OPCML: variants seen among roughly 807,000 people sequenced by gnomAD.
The protein encoded by OPCML is opioid binding protein/cell adhesion molecule like, also known as opioid-binding protein/cell adhesion molecule.
A neutral mutation model predicts 37.8 loss-of-function variants in OPCML; 13 were observed. That is an observed-to-expected ratio of 0.34 (90% CI 0.22 to 0.55). The LOEUF (loss-of-function observed/expected upper bound fraction) is 0.55. Ranked by LOEUF, OPCML falls within the 20% of genes least tolerant of loss-of-function variation. The probability of loss-of-function intolerance (pLI) is 0.91; values close to 1 mark genes in which losing one functional copy is unlikely to be tolerated. For synonymous variants in OPCML, 176 were observed against 168.8 expected, an observed-to-expected ratio of 1.04 and a Z score of -0.33; for missense variants, 341 against 435.6, an observed-to-expected ratio of 0.78 and a Z score of 1.93.
At chr11:133,470,128 C>G (rs2137004040) in intron 1 of OPCML, among the ~76,000 whole-genome samples, 1 of 152,282 alleles carries the variant, frequency 6.6e-6, no homozygotes, top group Admixed American at 6.5e-5. Flanking sequence ...CAAGGGGAAA[C>G]CATCATCAGG....
chr11:132,965,815 G>A (rs988370603), intron 1 of OPCML, among the ~76,000 whole-genome samples: 1 of 152,180 alleles, frequency 6.6e-6, no homozygotes, highest in South Asian at 2.1e-4. Context: ...ACAGGCATGA[G>A]CCATTGAGCC....
chr11:132,895,103 G>A lies in OPCML; in HGVS notation c.146+47823C>T, dbSNP rs1943787281. Among the ~76,000 whole-genome samples, 3 of 152,114 alleles carry A rather than the reference G, an allele frequency of 2.0e-5. No individual in the cohort carries two copies. In the South Asian group the frequency reaches 6.2e-4, roughly 32 times the overall value. On this transcript the variant is annotated intron_variant, in intron 2 of 7. Transcript: ENST00000524381. The stretch of plus-strand genomic sequence containing the variant: ...TTTCTAGAATTGGCTATCTAATCTG[G>A]TTAAATCTAAAAATGCCAAAGACTC...
chr11:133,455,034 CAAT>C (rs1565642798), intron 1 of OPCML, among the ~76,000 whole-genome samples: 1 of 152,064 alleles, frequency 6.6e-6, no homozygotes, highest in African/African-American at 2.4e-5. Flanking sequence ...CACTAACTAA[CAAT>C]ATGTTTTTCT....
chr11:133,145,838 G>A (rs1283173472), intron 1 of OPCML, among the ~76,000 whole-genome samples: 6 of 152,078 alleles, frequency 3.9e-5, no homozygotes, highest in Non-Finnish European at 5.9e-5. Context: ...ACAACAGAGA[G>A]GAAGGAGCAA....
At chr11:132,764,674 T>C (rs190708439) in intron 2 of OPCML, among the ~76,000 whole-genome samples, 5 of 152,290 alleles carry the variant, frequency 3.3e-5, no homozygotes, top group Admixed American at 3.3e-4. Flanking sequence ...TGTGTTTCCA[T>C]GGAGGACCTC....
At chr11:132,894,934 G>A (rs894406804) in intron 2 of OPCML, among the ~76,000 whole-genome samples, 1 of 152,142 alleles carries the variant, frequency 6.6e-6, no homozygotes, top group African/African-American at 2.4e-5. Flanking sequence ...CAGTAATCAG[G>A]TGAGTCAATT....
intron 3 of OPCML, among the ~76,000 whole-genome samples, chr11:132,557,680 C>A (rs2096398935): frequency 6.6e-6 from 1 of 152,176 alleles, no homozygotes; most frequent in Non-Finnish European, 1.5e-5. Flanking sequence ...AGTACCTGAG[C>A]ACTTCCCTAT....
chr11:133,310,915 T>A (rs957209677), intron 1 of OPCML, among the ~76,000 whole-genome samples: 1 of 152,216 alleles, frequency 6.6e-6, no homozygotes, highest in Admixed American at 6.5e-5. Flanking sequence ...CAGTGAAATA[T>A]AATGATATTT....
chr11:133,408,873 A>G (rs1449656167), intron 1 of OPCML, among the ~76,000 whole-genome samples: 6 of 152,232 alleles, frequency 3.9e-5, no homozygotes, highest in South Asian at 2.1e-4. Context: ...TGCTGTAATA[A>G]TAGAGTCTGG....
chr11:133,086,292 A>C (rs532716442), intron 1 of OPCML, among the ~76,000 whole-genome samples: 1 of 152,260 alleles, frequency 6.6e-6, no homozygotes, highest in South Asian at 2.1e-4. Context: ...ATTTTCCCCC[A>C]TTTTAAAAGC....
chr11:133,421,791 C>T (rs534278813), intron 1 of OPCML: 152 of 985,220 alleles, frequency 1.5e-4, no homozygotes, highest in Non-Finnish European at 1.8e-4. Flanking sequence ...CAATTGCTTT[C>T]GAGTCTTCCA....
chr11:132,681,620 C>G (rs924829026), intron 2 of OPCML, among the ~76,000 whole-genome samples: 2 of 152,114 alleles, frequency 1.3e-5, no homozygotes, highest in Non-Finnish European at 2.9e-5. Flanking sequence ...AACCTCATTC[C>G]TCCGGGATGC....
intron 4 of OPCML, among the ~76,000 whole-genome samples, chr11:132,474,978 AT>A (rs2096150473): frequency 6.6e-6 from 1 of 152,068 alleles, no homozygotes; most frequent in Admixed American, 6.5e-5. Flanking sequence ...TGTTCTCTCC[AT>A]TACCATTACT....
At chr11:133,294,314 T>TC (rs1324944843) in intron 1 of OPCML, among the ~76,000 whole-genome samples, 1 of 152,112 alleles carries the variant, frequency 6.6e-6, no homozygotes, top group East Asian at 1.9e-4. Flanking sequence ...GTGCTTGAGA[T>TC]CAGGGGCTGA....
Position 132,921,308 on chromosome 11 carries a change from G to A in OPCML, c.146+21618C>T, listed in dbSNP as rs912317558. Among the ~76,000 whole-genome samples the A allele has an allele frequency of 4.6e-5, 7 of 152,302 alleles. No individual in the cohort carries two copies. In the East Asian group the frequency reaches 5.8e-4, roughly 13 times the overall value. On this transcript the variant is annotated intron_variant, in intron 2 of 7. Coordinates refer to ENST00000524381, the MANE Select transcript of OPCML (RefSeq NM_001012393.5). ...CCACGACGCAGTGAATGCAATGGAC[G>A]TGCGTTCTTTGGTTGTCCCTTTATT...
intron 1 of OPCML, among the ~76,000 whole-genome samples, chr11:133,314,981 T>C (rs11223434): frequency 8.2e-6 from 1 of 122,134 alleles, no homozygotes; most frequent in Non-Finnish European, 1.6e-5. Context: ...CCTCAGTGTG[T>C]GTGCGTGTGT....
chr11:132,782,223 C>A (rs1947057485), intron 2 of OPCML, among the ~76,000 whole-genome samples: 5 of 152,028 alleles, frequency 3.3e-5, no homozygotes, highest in Admixed American at 2.0e-4. Flanking sequence ...CGCACCGAGA[C>A]TTAAGAGCTG....
intron 3 of OPCML, among the ~76,000 whole-genome samples, chr11:132,614,371 G>A (rs1408166789): frequency 2.6e-5 from 4 of 152,260 alleles, no homozygotes; most frequent in Non-Finnish European, 5.9e-5. Flanking sequence ...GTGACCTCTA[G>A]CCAACTCTTC....
At position 133,056,079 on chromosome 11, in the gene OPCML, T is replaced by C. The variant is rs545859925; in HGVS notation, c.62-113069A>G. Among the ~76,000 whole-genome samples, 22 of 152,336 alleles carry C rather than the reference T, an allele frequency of 1.4e-4. No homozygotes were observed. The South Asian group carries it at 4.6e-3, about 32-fold the overall frequency. Reference sequence around the variant, plus strand: ...GGTAAAAGAGAGAATATTTAAATATTTGGTGTTCAAATGACTCAAAAGGCC... The same window carrying C: ...GGTAAAAGAGAGAATATTTAAATATCTGGTGTTCAAATGACTCAAAAGGCC... On this transcript the variant is annotated intron_variant, in intron 1 of 7. Coordinates refer to ENST00000524381, the MANE Select transcript of OPCML (RefSeq NM_001012393.5).
Sources: gnomAD v4.1 joint callset for allele counts (sites outside exome capture counted in the v4.1 genomes callset) on GRCh38, gnomAD v4.1.1 for gene constraint, MANE v1.5 for transcripts, NCBI Gene and HGNC (gene_info 2026-07-23, HGNC 2026-07-21) for gene names.